Variants in ESCO2 observed in about 807,000 individuals in gnomAD.
ESCO2 encodes the protein N-acetyltransferase ESCO2.
Under a neutral mutation model 61.7 loss-of-function variants are expected in ESCO2, and 51 were observed. The observed-to-expected ratio is 0.83, with a 90% CI of 0.66 to 1.04. The LOEUF (loss-of-function observed/expected upper bound fraction) is 1.04, where lower values mean the gene tolerates loss of function less well. Among genes scored for constraint, ESCO2 ranks in the 50% least tolerant of loss-of-function variants. The pLI, the probability that ESCO2 is intolerant of heterozygous loss-of-function variation, is 0.00. For missense variants in ESCO2, 692 were observed against 686.2 expected (o/e 1.01, Z -0.09); for synonymous variants, 230 against 238.2 (o/e 0.97, Z 0.32).
At chr8:27,808,684 CAAAA>C (rs34162059), downstream of ESCO2, among the ~76,000 whole-genome samples, 15 of 106,562 alleles carry the variant, frequency 1.4e-4, no homozygotes, top group South Asian at 3.4e-4. Flanking sequence ...GACCCTGTCT[CAAAA>C]AAAAAAAAAA....
intron 9 of ESCO2, among the ~76,000 whole-genome samples, chr8:27,796,593 A>G (rs998266250): frequency 6.6e-6 from 1 of 152,078 alleles, no homozygotes; most frequent in African/African-American, 2.4e-5. Flanking sequence ...CATTTGTCTC[A>G]AGAAATTTGT....
intron 7 of ESCO2, 56 bp from the exon 8 acceptor site, chr8:27,791,907 T>TG (rs1300304974): frequency 8.3e-6 from 11 of 1,322,510 alleles, no homozygotes; most frequent in Middle Eastern, 1.8e-4. Context: ...TATTTAATGT[T>TG]GGTTTTTTTT....
chr8:27,799,698 G>A lies in ESCO2; in HGVS notation c.1655G>A (p.Arg552Gln), dbSNP rs538075513. 6 of 1,613,760 alleles carry A rather than the reference G, an allele frequency of 3.7e-6. No individual in the cohort carries two copies. The highest frequency in any genetic ancestry group is 2.2e-5 in the East Asian group (1 of 44,868). The change falls in exon 10 of 11, where the codon CGA (arginine) becomes CAA (glutamine). Residue 552 changes from arginine (R) to glutamine (Q), a missense_variant. Arg to Gln is a conservative substitution (Grantham distance 43). Coordinates refer to ENST00000305188, the MANE Select transcript of ESCO2 (RefSeq NM_001017420.3). The part of the protein sequence containing the change: ...RLKRRKRIAR[R>Q]LVDTLRNCFM... ...AAGAGAAGAAAGCGCATTGCAAGAC[G>A]ACTGGTTGATACCCTCAGGTAAGAA...
At chr8:27,810,538 C>A (rs557416121), downstream of ESCO2, 9 of 1,305,564 alleles carry the variant, frequency 6.9e-6, no homozygotes, top group African/African-American at 2.9e-5. Context: ...TAAACAAAAT[C>A]ACTTTATGTC....
At chr8:27,811,703 G>A (rs1805688061), downstream of ESCO2, among the ~76,000 whole-genome samples, 1 of 152,104 alleles carries the variant, frequency 6.6e-6, no homozygotes, top group African/African-American at 2.4e-5. Flanking sequence ...ATTCTCATTA[G>A]GATTGGACTA....
chr8:27,784,249 G>A (rs1260225793), intron 5 of ESCO2, among the ~76,000 whole-genome samples, 192 bp downstream of exon 5: 1 of 152,126 alleles, frequency 6.6e-6, no homozygotes, highest in Admixed American at 6.6e-5. Context: ...CTTAAGAGTT[G>A]AGAGATGGAA....
chr8:27,810,421 C>A (rs1248242231), downstream of ESCO2: 1 of 1,604,508 alleles, frequency 6.2e-7, no homozygotes, highest in Non-Finnish European at 8.5e-7. Flanking sequence ...TCATCCAGTT[C>A]TTCCATATTA....
chr8:27,787,294 C>T (rs957202588), intron 5 of ESCO2, among the ~76,000 whole-genome samples: 1 of 151,888 alleles, frequency 6.6e-6, no homozygotes, highest in African/African-American at 2.4e-5. Flanking sequence ...TAAAGGTTGT[C>T]TCAACTACAG....
At chr8:27,801,997 A>G (rs1446448149) in intron 10 of ESCO2, among the ~76,000 whole-genome samples, 2 of 49,340 alleles carry the variant, frequency 4.1e-5, no homozygotes, top group African/African-American at 1.4e-4. Flanking sequence ...TTTTTTGCCC[A>G]GTATCACATT....
intron 9 of ESCO2, 141 bp from the exon 10 acceptor site, chr8:27,799,400 G>T: frequency 1.1e-6 from 1 of 916,308 alleles, no homozygotes; most frequent in East Asian, 2.6e-5. Flanking sequence ...AAAGGGATAA[G>T]AATTTAAGAA....
chr8:27,811,396 T>C, downstream of ESCO2: 4 of 559,320 alleles, frequency 7.2e-6, no homozygotes, highest in Non-Finnish European at 1.3e-5. Flanking sequence ...AATGTGGATG[T>C]TGAGATTACA....
rs779380156 is a variant in ESCO2 at position 27,799,569 on chromosome 8, G to T, written c.1526G>T (p.Gly509Val). The T allele has an allele frequency of 6.2e-7, 1 of 1,613,808 alleles. No individual in the cohort carries two copies. The highest frequency in any genetic ancestry group is 8.5e-7 in the Non-Finnish European group (1 of 1,179,952). Residue 509 changes from glycine to valine, a missense_variant, in exon 10 of 11, where the codon GGT becomes GTT. By Grantham distance (109) the Gly-to-Val change is moderately radical. Coordinates refer to ENST00000305188, the MANE Select transcript of ESCO2 (RefSeq NM_001017420.3). Reference protein sequence around the residue: ...QAFRVLSEPIGPESPSSTECP... With the variant: ...QAFRVLSEPIVPESPSSTECP... ...TTTCGTGTCCTGTCTGAACCAATTG[G>T]TCCAGAATCCCCAAGCTCTACGGAA...
chr8:27,815,316 T>C (rs1458536892), downstream of ESCO2, among the ~76,000 whole-genome samples: 1 of 152,146 alleles, frequency 6.6e-6, no homozygotes, highest in African/African-American at 2.4e-5. Flanking sequence ...GCAGGCTCTG[T>C]TAAGTGAGAA....
rs4732754 is a variant in ESCO2 at position 27,792,911 on chromosome 8, C to T, written c.1497+100C>T. 539,346 of 1,238,780 alleles carry T rather than the reference C, an allele frequency of 0.44. 119,142 individuals carry two copies. The highest frequency in any genetic ancestry group is 0.56 in the Middle Eastern group (2,655 of 4,782). The allele number at this position is 1,238,780 out of a possible 1,614,324, so 76.7% of individuals were successfully genotyped here. A position where few individuals can be genotyped will look rare whatever the true frequency, so the allele number is the denominator to read the frequency against. On this transcript the variant is annotated intron_variant, in intron 9 of 10. Transcript: ENST00000305188. ...TTTAAGATTGCTACCATTAATGACA[C>T]TCTTCCTACTGAAATATCCTTGACC...
chr8:27,774,166 C>CTTTA (rs68114079), upstream of ESCO2, among the ~76,000 whole-genome samples: 1,246 of 151,084 alleles, frequency 8.2e-3, 12 homozygotes, highest in Middle Eastern at 0.027. Flanking sequence ...TTGGAGAGGC[C>CTTTA]TTTATTTATT....
rs56062620 is a variant in ESCO2, at chr8:27,803,549, T to TACACACACAC, written c.*120_*129dup. 1.7e-3 allele frequency: 2,188 copies of TACACACACAC among 1,323,594 alleles called. 30 individuals carry two copies. In the East Asian group the frequency reaches 0.019, roughly 11 times the overall value. The allele number at this position is 1,323,594 out of a possible 1,614,324, so 82.0% of individuals were successfully genotyped here. ...TAAAAAATACCGAGACTCACACTCA[T>TACACACACAC]ACACACACACACACACACGCACACA... On this transcript the variant is annotated 3_prime_UTR_variant, in exon 11 of 11. Coordinates refer to ENST00000305188, the MANE Select transcript of ESCO2 (RefSeq NM_001017420.3).
intron 5 of ESCO2, among the ~76,000 whole-genome samples, chr8:27,786,549 G>A (rs1357258834): frequency 6.6e-6 from 1 of 152,186 alleles, no homozygotes; most frequent in Admixed American, 6.5e-5. Flanking sequence ...GTGGTATACT[G>A]AGTTAGTCAC....
chr8:27,772,173 GGAA>G (rs1804645168), upstream of ESCO2: 1 of 414,864 alleles, frequency 2.4e-6, no homozygotes, highest in Non-Finnish European at 4.4e-6. Flanking sequence ...ATGGAAGGTG[GGAA>G]GAAGACTTGG....
rs80359868 is a variant in ESCO2, at chr8:27,799,658, T to G, written c.1615T>G (p.Trp539Gly). Residue 539 changes from tryptophan to glycine, a missense_variant, in exon 10 of 11, where the codon TGG becomes GGG. Transcript: ENST00000305188. The part of the protein sequence containing the change: ...EPAVCGISRI[W>G]VFRLKRRKRI... ...TGCAGTCTGTGGGATAAGTAGAATCTGGGTTTTCAGACTGAAGAGAAGAAA... is the reference window on the plus strand; with the variant it reads ...TGCAGTCTGTGGGATAAGTAGAATCGGGGTTTTCAGACTGAAGAGAAGAAA... 2 of 1,613,970 alleles carry G rather than the reference T, an allele frequency of 1.2e-6. No homozygotes were observed. Among genetic ancestry groups the G allele is most frequent in the Non-Finnish European group, 1.7e-6 (2 of 1,180,002 alleles).
Sources: gnomAD v4.1 joint callset for allele counts (sites outside exome capture counted in the v4.1 genomes callset) on GRCh38, gnomAD v4.1.1 for gene constraint, MANE v1.5 for transcripts, NCBI Gene and HGNC (gene_info 2026-07-23, HGNC 2026-07-21) for gene names.